DNAJC13: variants seen among roughly 807,000 people sequenced by gnomAD.
DNAJC13 encodes the protein DnaJ heat shock protein family (Hsp40) member C13.
In DNAJC13, 75 loss-of-function variants were observed where a neutral mutation model predicts 290.5. The ratio of observed to expected loss-of-function variants is 0.26; its 90% CI spans 0.21 to 0.31. DNAJC13 has a LOEUF of 0.31. DNAJC13 is among the 10% of genes least tolerant of loss of function. The pLI, the probability that DNAJC13 is intolerant of heterozygous loss-of-function variation, is 1.00. For synonymous variants in DNAJC13, 862 were observed against 892.0 expected (o/e 0.97, Z 0.60); for missense variants, 2,260 against 2,674.5 (o/e 0.85, Z 3.42).
At chr3:132,514,947 A>G (rs923393094) in intron 46 of DNAJC13, 1 of 291,728 alleles carries the variant, frequency 3.4e-6, no homozygotes, top group African/African-American at 2.3e-5. Context: ...GTAATTGAGA[A>G]TTAACTAATA....
intron 1 of DNAJC13, among the ~76,000 whole-genome samples, chr3:132,424,762 T>G (rs906657869): frequency 2.0e-5 from 3 of 152,094 alleles, no homozygotes; most frequent in African/African-American, 7.2e-5. Flanking sequence ...CTTCAGTAAG[T>G]TAAGGAAGGC....
intron 37 of DNAJC13, 32 bp downstream of exon 37, chr3:132,499,342 C>A: frequency 2.0e-6 from 3 of 1,520,788 alleles, no homozygotes; most frequent in Non-Finnish European, 2.7e-6. Context: ...GCTTTTTAAG[C>A]CAGTTTACAC....
At chr3:132,480,194 A>G (rs1934619718) in intron 25 of DNAJC13, among the ~76,000 whole-genome samples, 175 bp from the exon 26 acceptor site, 1 of 152,186 alleles carries the variant, frequency 6.6e-6, no homozygotes, top group Non-Finnish European at 1.5e-5. Context: ...CCTTGAACAC[A>G]AAATGCTGAA....
chr3:132,485,811 C>A (rs1385461648), intron 29 of DNAJC13, among the ~76,000 whole-genome samples: 3 of 152,110 alleles, frequency 2.0e-5, no homozygotes, highest in Non-Finnish European at 4.4e-5. Context: ...TTTTCTTTTG[C>A]ATTATTCTGC....
At chr3:132,418,910 C>T (rs1485041745) in intron 1 of DNAJC13, among the ~76,000 whole-genome samples, 3 of 152,156 alleles carry the variant, frequency 2.0e-5, no homozygotes, top group East Asian at 1.9e-4. Context: ...ACAGAATTTG[C>T]CTTAAAAAAA....
chr3:132,420,474 G>T (rs1938922624), intron 1 of DNAJC13, among the ~76,000 whole-genome samples: 1 of 152,156 alleles, frequency 6.6e-6, no homozygotes, highest in South Asian at 2.1e-4. Context: ...CAACAGAACC[G>T]AGAGTGCTGC....
chr3:132,499,982 A>T (rs1481825613), intron 38 of DNAJC13, among the ~76,000 whole-genome samples, 174 bp downstream of exon 38: 1 of 152,208 alleles, frequency 6.6e-6, no homozygotes, highest in Non-Finnish European at 1.5e-5. Flanking sequence ...TGTTTTTATA[A>T]CAAGTTTCCA....
intron 40 of DNAJC13, 32 bp downstream of exon 40, chr3:132,502,500 G>C: frequency 6.4e-7 from 1 of 1,558,256 alleles, no homozygotes; most frequent in Non-Finnish European, 8.7e-7. Flanking sequence ...TATTGAATTT[G>C]AACCCAAACC....
At chr3:132,525,365 G>C (rs1025658433) in intron 51 of DNAJC13, among the ~76,000 whole-genome samples, 2 of 151,932 alleles carry the variant, frequency 1.3e-5, no homozygotes, top group African/African-American at 4.8e-5. Context: ...ATAGAAATTG[G>C]GTATACCTAA....
chr3:132,471,494 T>G (rs1428931402), intron 20 of DNAJC13, among the ~76,000 whole-genome samples: 2 of 116,468 alleles, frequency 1.7e-5, no homozygotes, highest in Non-Finnish European at 3.6e-5. Context: ...TCAGACGGGG[T>G]GGTTGCCAGG....
chr3:132,467,552 G>A (rs1015181666), intron 20 of DNAJC13, among the ~76,000 whole-genome samples: 3 of 152,026 alleles, frequency 2.0e-5, no homozygotes, highest in Non-Finnish European at 4.4e-5. Context: ...TGCAAGCTCC[G>A]CCTCCTGGGT....
chr3:132,487,662 T>C lies in DNAJC13; in HGVS notation c.3268-636T>C, dbSNP rs1042456718. Among the ~76,000 whole-genome samples, 3 of 151,576 alleles carry C rather than the reference T, an allele frequency of 2.0e-5. No homozygotes were observed. In the East Asian group the frequency reaches 5.8e-4, roughly 29 times the overall value. On this transcript the variant is annotated intron_variant, in intron 29 of 55. Coordinates refer to ENST00000260818, the MANE Select transcript of DNAJC13 (RefSeq NM_015268.4). ...ATTGGAACGACACCTTTATTAAGCT[T>C]CGTAGATAAAACTTATTAAATGTTT...
intron 24 of DNAJC13, 87 bp downstream of exon 24, chr3:132,478,227 G>A: frequency 8.4e-7 from 1 of 1,189,848 alleles, no homozygotes; most frequent in Non-Finnish European, 1.2e-6. Context: ...AATTCTGTTT[G>A]ATCACATTAT....
rs1253158910 is a variant in DNAJC13 at position 132,502,419 on chromosome 3, A to G, written c.4667A>G (p.Tyr1556Cys). The G allele has an allele frequency of 1.2e-6, 2 of 1,614,034 alleles. No individual in the cohort carries two copies. The highest frequency in any genetic ancestry group is 1.7e-6 in the Non-Finnish European group (2 of 1,179,970). The change falls in exon 40 of 56, where the codon TAC (tyrosine) becomes TGC (cysteine). Residue 1556 changes from tyrosine to cysteine, a missense_variant. By Grantham distance (194) the Tyr-to-Cys change is radical. This residue lies in a region of DNAJC13 where 1,494 missense variants were observed against 1,693.7 expected (regional missense o/e 0.88). Transcript: ENST00000260818. ...YLLGFLFNYD[Y>C]TLEESGIQKS... ...CTTGGTTTTCTGTTTAATTATGACT[A>G]CACACTAGAAGAGAGTGGCATTCAG...
At chr3:132,494,056 A>T in intron 33 of DNAJC13, 88 bp from the exon 34 acceptor site, 1 of 922,564 alleles carries the variant, frequency 1.1e-6, no homozygotes, top group Non-Finnish European at 1.6e-6. Context: ...ATCCATTTAA[A>T]TAAATACAGC....
intron 32 of DNAJC13, among the ~76,000 whole-genome samples, chr3:132,491,289 A>G (rs1314012127): frequency 6.6e-6 from 1 of 152,184 alleles, no homozygotes; most frequent in African/African-American, 2.4e-5. Context: ...GGTAGGGCCT[A>G]CCAACTGCTG....
Position 132,490,883 on chromosome 3 carries a change from G to C in DNAJC13, c.3469-14G>C, listed in dbSNP as rs1935040088. On this transcript the variant is annotated splice_polypyrimidine_tract_variant and intron_variant, in intron 31 of 55. Coordinates refer to ENST00000260818, the MANE Select transcript of DNAJC13 (RefSeq NM_015268.4). ...AGTGTTTTTGACTACCTTTTGTTTT[G>C]TTTTGTTTTGAAGACAAAAGGACAA... 6.5e-7 allele frequency: 1 copy of C among 1,543,830 alleles called. No individual in the cohort carries two copies. Among genetic ancestry groups the C allele is most frequent in the African/African-American group, 1.4e-5 (1 of 71,620 alleles).
At chr3:132,472,705 C>A in intron 20 of DNAJC13, 1 of 606,268 alleles carries the variant, frequency 1.6e-6, no homozygotes, top group Non-Finnish European at 2.1e-6. Flanking sequence ...ATTTCTTCTC[C>A]ATTAGCTATT....
intron 21 of DNAJC13, among the ~76,000 whole-genome samples, chr3:132,473,751 A>G (rs60793337): frequency 0.052 from 7,870 of 152,242 alleles, 403 homozygotes; most frequent in African/African-American, 0.13. Flanking sequence ...CTTCTTTAAG[A>G]TAACTCACAG....
Sources: allele counts gnomAD v4.1 joint callset (sites outside exome capture counted in the v4.1 genomes callset), GRCh38; gene constraint gnomAD v4.1.1; regional missense constraint gnomAD v4.1.1; transcripts MANE v1.5; gene names NCBI Gene and HGNC (gene_info 2026-07-23, HGNC 2026-07-21).